The following RORA variants were observed in gnomAD, a reference collection of about 807,000 sequenced individuals.
The protein encoded by RORA is RAR related orphan receptor A, also known as nuclear receptor ROR-alpha.
Under a neutral mutation model 69.5 loss-of-function variants are expected in RORA, and 7 were observed. The observed-to-expected ratio is 0.10, with a 90% CI of 0.06 to 0.19. RORA has a LOEUF of 0.19. RORA is among the 10% of genes least tolerant of loss of function. The pLI, the probability that RORA is intolerant of heterozygous loss-of-function variation, is 1.00. For missense variants in RORA, 457 were observed against 663.0 expected, an observed-to-expected ratio of 0.69 and a Z score of 3.41; for synonymous variants, 261 against 240.8, an observed-to-expected ratio of 1.08 and a Z score of -0.78.
chr15:60,528,531 T>C (rs772645988), intron 3 of RORA: 7 of 152,262 alleles, frequency 4.6e-5, no homozygotes, highest in Non-Finnish European at 1.0e-4. Context: ...AGTGCTTACA[T>C]AGTGCTTGGT....
At chr15:61,100,116 T>C (rs1031331887) in intron 1 of RORA, among the ~76,000 whole-genome samples, 5 of 148,328 alleles carry the variant, frequency 3.4e-5, no homozygotes, top group Admixed American at 6.7e-5. Context: ...AATTTTCTTT[T>C]TTTTTTTTTT....
At chr15:60,787,668 G>A (rs1253212822) in intron 1 of RORA, among the ~76,000 whole-genome samples, 1 of 152,218 alleles carries the variant, frequency 6.6e-6, no homozygotes, top group Non-Finnish European at 1.5e-5. Context: ...TGCTTTCAAG[G>A]AGATCTTTCC....
At chr15:60,812,560 G>A (rs2072759212) in intron 1 of RORA, among the ~76,000 whole-genome samples, 1 of 152,078 alleles carries the variant, frequency 6.6e-6, no homozygotes, top group Admixed American at 6.6e-5. Flanking sequence ...ATAATATGTG[G>A]AGAAAGCAAA....
At chr15:60,595,083 C>A (rs986271111) in intron 2 of RORA, among the ~76,000 whole-genome samples, 1 of 151,784 alleles carries the variant, frequency 6.6e-6, no homozygotes, top group Non-Finnish European at 1.5e-5. Context: ...CATTATAAGG[C>A]CCCAACCAAA....
At chr15:60,769,801 A>G (rs1218730404) in intron 1 of RORA, among the ~76,000 whole-genome samples, 2 of 151,944 alleles carry the variant, frequency 1.3e-5, no homozygotes, top group African/African-American at 4.8e-5. Context: ...ATAATTAGCC[A>G]CCCATTGTCC....
chr15:61,174,087 C>T (rs1230674206), intron 1 of RORA, among the ~76,000 whole-genome samples: 1 of 152,208 alleles, frequency 6.6e-6, no homozygotes, highest in East Asian at 1.9e-4. Flanking sequence ...CCTGGGGCAA[C>T]TCACCATTTA....
At chr15:61,083,637 G>A (rs2140670070) in intron 1 of RORA, among the ~76,000 whole-genome samples, 1 of 151,974 alleles carries the variant, frequency 6.6e-6, no homozygotes, top group African/African-American at 2.4e-5. Flanking sequence ...GGATTCTGTA[G>A]TTCTCAGGCA....
intron 1 of RORA, among the ~76,000 whole-genome samples, chr15:61,169,916 G>T (rs111641785): frequency 9.9e-5 from 15 of 152,218 alleles, no homozygotes; most frequent in African/African-American, 3.6e-4. Flanking sequence ...TGGTAAAATT[G>T]AAAAGAACCC....
intron 1 of RORA, among the ~76,000 whole-genome samples, chr15:61,085,757 A>G (rs1461698383): frequency 6.6e-6 from 1 of 152,194 alleles, no homozygotes; most frequent in African/African-American, 2.4e-5. Context: ...TCCCACACTT[A>G]AATAGTTTTG....
Position 60,870,404 on chromosome 15 carries a change from T to C in RORA, c.167-191718A>G, listed in dbSNP as rs73430058. On this transcript the variant is annotated intron_variant, in intron 1 of 10. Transcript: ENST00000335670. ...TAGAGGAGAAATAATGTCTTCTGTT[T>C]ACAGGTATCTACCAGGTTGTACGGA... Among the ~76,000 whole-genome samples, 527 of 152,304 alleles carry C rather than the reference T, an allele frequency of 3.5e-3. 5 individuals are homozygous for C. Among genetic ancestry groups the C allele is most frequent in the African/African-American group, 0.012 (510 of 41,554 alleles).
intron 2 of RORA, among the ~76,000 whole-genome samples, chr15:60,568,502 G>A (rs954221646): frequency 6.6e-6 from 1 of 152,204 alleles, no homozygotes; most frequent in South Asian, 2.1e-4. Context: ...GCTCAGTGTG[G>A]TGTCAGAATG....
chr15:61,049,805 G>A (rs542086289), intron 1 of RORA, among the ~76,000 whole-genome samples: 145 of 152,104 alleles, frequency 9.5e-4, no homozygotes, highest in African/African-American at 3.3e-3. Context: ...GATTATAGGC[G>A]CACACCACCA....
In RORA at chr15:60,995,567, TAGCACAAGGTCTCTTGTCCC is replaced by T. The variant is rs571350955; in HGVS notation, c.166+233466_166+233485del. Among the ~76,000 whole-genome samples, 1,445 of 152,268 alleles carry T rather than the reference TAGCACAAGGTCTCTTGTCCC, an allele frequency of 9.5e-3. 27 individuals carry two copies. Among genetic ancestry groups the T allele is most frequent in the African/African-American group, 0.033 (1,381 of 41,540 alleles). ...TCCCGCTCACTTAGTAAAAAGCCTA[TAGCACAAGGTCTCTTGTCCC>T]CAGACGTTTGAGCACAGATCTGATA... On this transcript the variant is annotated intron_variant, in intron 1 of 10. Coordinates refer to ENST00000335670, the MANE Select transcript of RORA (RefSeq NM_134261.3).
chr15:60,670,665 T>G (rs2070451798), intron 2 of RORA, among the ~76,000 whole-genome samples: 1 of 152,152 alleles, frequency 6.6e-6, no homozygotes, highest in South Asian at 2.1e-4. Context: ...GGAAGTGGAT[T>G]GGGTGGAGAA....
At chr15:60,612,664 T>C (rs1278019195) in intron 2 of RORA, among the ~76,000 whole-genome samples, 5 of 39,540 alleles carry the variant, frequency 1.3e-4, no homozygotes, top group Middle Eastern at 7.0e-3. Context: ...TCTCTCTGTT[T>C]TTTTTTTTTT....
intron 1 of RORA, among the ~76,000 whole-genome samples, chr15:61,210,503 G>A (rs143679011): frequency 2.0e-4 from 31 of 152,184 alleles, no homozygotes; most frequent in African/African-American, 6.7e-4. Flanking sequence ...AAAATAATTC[G>A]AAACTGCACA....
intron 8 of RORA, 52 bp from the exon 9 acceptor site, chr15:60,501,121 GAAAAACCTA>G: frequency 1.1e-6 from 1 of 950,348 alleles, no homozygotes; most frequent in Non-Finnish European, 1.6e-6. Context: ...TGTCTTAGGA[GAAAAACCTA>G]GGTCTTAGGT....
intron 1 of RORA, among the ~76,000 whole-genome samples, chr15:61,004,706 G>A (rs772825457): frequency 5.3e-5 from 8 of 152,094 alleles, no homozygotes; most frequent in Non-Finnish European, 1.2e-4. Context: ...TACAGACATG[G>A]GTCCGGGAGT....
At chr15:60,998,454 G>C (rs899306397) in intron 1 of RORA, among the ~76,000 whole-genome samples, 1 of 151,356 alleles carries the variant, frequency 6.6e-6, no homozygotes, top group South Asian at 2.1e-4. Flanking sequence ...CTGGAGTGCA[G>C]TGGTGTGATC....
Sources: gnomAD v4.1 joint callset for allele counts (sites outside exome capture counted in the v4.1 genomes callset) on GRCh38, gnomAD v4.1.1 for gene constraint, MANE v1.5 for transcripts, NCBI Gene and HGNC (gene_info 2026-07-23, HGNC 2026-07-21) for gene names.